The following CNTN4 variants were observed in gnomAD, a reference collection of about 807,000 sequenced individuals.
The protein encoded by CNTN4 is contactin 4, also known as contactin-4.
CNTN4 carries 77 observed loss-of-function variants against 122.5 expected under a neutral mutation model. The observed-to-expected ratio is 0.63, with a 90% confidence interval of 0.52 to 0.76. The LOEUF (loss-of-function observed/expected upper bound fraction) is 0.76. Ranked by LOEUF, CNTN4 falls within the 30% of genes least tolerant of loss-of-function variation. The pLI, the probability that CNTN4 is intolerant of heterozygous loss-of-function variation, is 0.00. For missense variants in CNTN4, 1,256 were observed against 1,259.1 expected (o/e 1.00, Z 0.04); for synonymous variants, 512 against 447.0 (o/e 1.15, Z -1.83).
At chr3:2,671,307 C>G (rs898237090) in intron 4 of CNTN4, among the ~76,000 whole-genome samples, 1 of 152,104 alleles carries the variant, frequency 6.6e-6, no homozygotes, top group Admixed American at 6.5e-5. Context: ...TCTTTTTTCT[C>G]TAAACTTCTC....
Position 2,564,862 on chromosome 3 carries a change from A to C in CNTN4, c.-88-6554A>C, listed in dbSNP as rs547273915. On this transcript the variant is annotated intron_variant, in intron 3 of 24. Coordinates refer to ENST00000418658, the MANE Select transcript of CNTN4 (RefSeq NM_175607.3). Reference sequence around the variant, plus strand: ...AAATTTCAATGAAAGACTTTTCCAAATTAATCCGTATAACTGTGGACTCTC... The same window carrying C: ...AAATTTCAATGAAAGACTTTTCCAACTTAATCCGTATAACTGTGGACTCTC... Among the ~76,000 whole-genome samples the C allele has an allele frequency of 2.0e-5, 3 of 152,306 alleles. No individual in the cohort carries two copies. The East Asian group carries it at 5.8e-4, about 29-fold the overall frequency.
chr3:2,317,870 C>T (rs998871393), intron 2 of CNTN4, among the ~76,000 whole-genome samples: 6 of 152,102 alleles, frequency 3.9e-5, no homozygotes, highest in Admixed American at 3.9e-4. Flanking sequence ...AGACTAACGT[C>T]GTTTGAAAGT....
chr3:2,566,910 A>G (rs145651243), intron 3 of CNTN4, among the ~76,000 whole-genome samples: 264 of 152,338 alleles, frequency 1.7e-3, no homozygotes, highest in Non-Finnish European at 3.0e-3. Flanking sequence ...TTAGAGATGT[A>G]GTCAACTTGC....
intron 2 of CNTN4, among the ~76,000 whole-genome samples, chr3:2,263,051 C>G (rs1275915338): frequency 1.3e-5 from 2 of 152,072 alleles, no homozygotes; most frequent in Non-Finnish European, 2.9e-5. Flanking sequence ...GGTGCTTAGT[C>G]AGAGGGCCAT....
Position 2,794,372 on chromosome 3 carries a change from A to G in CNTN4, c.359-25114A>G, listed in dbSNP as rs534877232. Among the ~76,000 whole-genome samples, 4 of 152,338 alleles carry G rather than the reference A, an allele frequency of 2.6e-5. No homozygotes were observed. The East Asian group carries it at 7.7e-4, about 29-fold the overall frequency. ...CTTAGTTTTCTAAAAGACTTCTGGG[A>G]GTCTTTGATGCTGTAATGTATGTTG... On this transcript the variant is annotated intron_variant, in intron 6 of 24. Transcript: ENST00000418658.
At chr3:2,798,833 T>G (rs1345646602) in intron 6 of CNTN4, among the ~76,000 whole-genome samples, 1 of 152,054 alleles carries the variant, frequency 6.6e-6, no homozygotes, top group African/African-American at 2.4e-5. Context: ...ATATAATGAT[T>G]TTTTTTTCCT....
chr3:2,421,758 AT>A (rs1188995163), intron 3 of CNTN4, among the ~76,000 whole-genome samples: 3 of 152,144 alleles, frequency 2.0e-5, no homozygotes, highest in Non-Finnish European at 2.9e-5. Flanking sequence ...ACTATTGAAT[AT>A]TTACTTTGTT....
At chr3:2,351,881 G>T (rs2044641261) in intron 3 of CNTN4, among the ~76,000 whole-genome samples, 1 of 151,878 alleles carries the variant, frequency 6.6e-6, no homozygotes, top group Non-Finnish European at 1.5e-5. Context: ...TAGACAAGAG[G>T]AATAGGTTTT....
chr3:2,684,887 G>A (rs943820980), intron 4 of CNTN4, among the ~76,000 whole-genome samples: 1 of 152,184 alleles, frequency 6.6e-6, no homozygotes, highest in Admixed American at 6.6e-5. Flanking sequence ...TTTAGGGGGA[G>A]ACAAAGAAGA....
intron 2 of CNTN4, among the ~76,000 whole-genome samples, chr3:2,163,625 A>G (rs2036057498): frequency 6.6e-6 from 1 of 152,154 alleles, no homozygotes; most frequent in African/African-American, 2.4e-5. Context: ...TAAAATATCG[A>G]GAATCTGCAA....
intron 3 of CNTN4, among the ~76,000 whole-genome samples, chr3:2,445,902 C>T (rs577431819): frequency 8.1e-4 from 123 of 152,216 alleles, no homozygotes; most frequent in African/African-American, 2.8e-3. Context: ...CCTACATTGT[C>T]TGCATGTTCT....
chr3:2,315,621 T>A (rs2043071693), intron 2 of CNTN4, among the ~76,000 whole-genome samples: 1 of 152,064 alleles, frequency 6.6e-6, no homozygotes, highest in Non-Finnish European at 1.5e-5. Flanking sequence ...GGAGAATATG[T>A]TGAGACACCC....
chr3:2,902,187 A>G (rs1577211226), intron 11 of CNTN4, among the ~76,000 whole-genome samples: 1 of 152,190 alleles, frequency 6.6e-6, no homozygotes, highest in South Asian at 2.1e-4. Context: ...GGTCTCCTGG[A>G]GAGGAGGAGA....
At chr3:2,215,511 C>T (rs1187619804) in intron 2 of CNTN4, among the ~76,000 whole-genome samples, 1 of 152,116 alleles carries the variant, frequency 6.6e-6, no homozygotes, top group Non-Finnish European at 1.5e-5. Flanking sequence ...TTGTAGGGTA[C>T]GTGTGTCAAC....
At chr3:2,659,482 AGAAGAAG>A (rs137963798) in intron 4 of CNTN4, among the ~76,000 whole-genome samples, 1 of 127,068 alleles carries the variant, frequency 7.9e-6, no homozygotes, top group Non-Finnish European at 1.7e-5. Flanking sequence ...AAAAAAAAAA[AGAAGAAG>A]AAGAAGAAGA....
intron 2 of CNTN4, among the ~76,000 whole-genome samples, chr3:2,270,099 G>A (rs113590936): frequency 0.19 from 16,900 of 87,296 alleles, 6,048 homozygotes; most frequent in Non-Finnish European, 0.28. Flanking sequence ...ACAGGCGCCC[G>A]CCACCGCGCC....
At chr3:2,256,299 A>G (rs887094247) in intron 2 of CNTN4, among the ~76,000 whole-genome samples, 7 of 152,190 alleles carry the variant, frequency 4.6e-5, no homozygotes, top group Non-Finnish European at 8.8e-5. Flanking sequence ...GCACTAATTA[A>G]TAGTCTACCA....
intron 3 of CNTN4, among the ~76,000 whole-genome samples, chr3:2,465,612 G>T (rs2075469061): frequency 6.6e-6 from 1 of 152,110 alleles, no homozygotes; most frequent in African/African-American, 2.4e-5. Context: ...GGGAGGCAGA[G>T]GTTGCAGTGA....
chr3:2,701,888 T>C (rs2086379183), intron 4 of CNTN4, among the ~76,000 whole-genome samples: 1 of 152,172 alleles, frequency 6.6e-6, no homozygotes, highest in African/African-American at 2.4e-5. Flanking sequence ...ATTTTTATGA[T>C]ACAAGTAACT....
Sources: allele counts gnomAD v4.1 joint callset (sites outside exome capture counted in the v4.1 genomes callset), GRCh38; gene constraint gnomAD v4.1.1; transcripts MANE v1.5; gene names NCBI Gene and HGNC (gene_info 2026-07-23, HGNC 2026-07-21).